Variants in RAPGEF2 observed in about 807,000 individuals in gnomAD.
RAPGEF2 encodes PDZ domain containing guanine nucleotide exchange factor (GEF) 1.
RAPGEF2 carries 54 observed loss-of-function variants against 186.7 expected under a neutral mutation model. The ratio of observed to expected loss-of-function variants is 0.29; its 90% CI spans 0.23 to 0.36. The LOEUF is 0.36. Among genes scored for constraint, RAPGEF2 ranks in the 10% least tolerant of loss-of-function variants. The probability of loss-of-function intolerance (pLI) is 1.00; values close to 1 mark genes in which losing one functional copy is unlikely to be tolerated. For missense variants in RAPGEF2, 1,532 were observed against 2,045.0 expected, an observed-to-expected ratio of 0.75 and a Z score of 4.84; for synonymous variants, 712 against 705.9, an observed-to-expected ratio of 1.01 and a Z score of -0.14.
chr4:159,267,804 T>C lies in RAPGEF2; in HGVS notation c.543+24013T>C, dbSNP rs866342790. 2.3e-5 allele frequency: 23 copies of C among 1,016,726 alleles called. No homozygotes were observed. In the Middle Eastern group the frequency reaches 1.5e-3, roughly 64 times the overall value. 63.0% of individuals were successfully genotyped at this position (1,016,726 alleles called of 1,614,324 possible). On this transcript the variant is annotated intron_variant, in intron 7 of 29. Transcript: ENST00000691494. Reference sequence around the variant, plus strand: ...TTTAGCTTTTTTCTTTTTTTTTTTTTTTTCCTCTCCTTTTCTTTTGCCTCT... The same window carrying C: ...TTTAGCTTTTTTCTTTTTTTTTTTTCTTTCCTCTCCTTTTCTTTTGCCTCT...
At chr4:159,273,166 A>G (rs1758331375) in intron 7 of RAPGEF2, among the ~76,000 whole-genome samples, 1 of 152,200 alleles carries the variant, frequency 6.6e-6, no homozygotes, top group African/African-American at 2.4e-5. Flanking sequence ...CTGAGATGAA[A>G]TAAACTTATC....
At chr4:159,185,505 C>A (rs1388667454) in intron 1 of RAPGEF2, among the ~76,000 whole-genome samples, 1 of 152,160 alleles carries the variant, frequency 6.6e-6, no homozygotes, top group East Asian at 1.9e-4. Flanking sequence ...AGTACTGATA[C>A]ATGCTAAAAC....
intron 7 of RAPGEF2, among the ~76,000 whole-genome samples, chr4:159,254,531 A>G (rs1226826469): frequency 6.6e-6 from 1 of 151,658 alleles, no homozygotes; most frequent in Admixed American, 6.6e-5. Context: ...AGGGAAGGAG[A>G]TATTCAGGAA....
chr4:159,117,867 C>T (rs993347550), intron 1 of RAPGEF2, among the ~76,000 whole-genome samples: 16 of 152,030 alleles, frequency 1.1e-4, no homozygotes, highest in African/African-American at 3.9e-4. Flanking sequence ...ACTTGCTATC[C>T]ACAAGCCTCA....
chr4:159,339,413 C>CT, intron 19 of RAPGEF2, 59 bp downstream of exon 19: 1 of 1,545,508 alleles, frequency 6.5e-7, no homozygotes. Context: ...ACATCAAAGT[C>CT]TAAGAGATGA....
intron 6 of RAPGEF2, among the ~76,000 whole-genome samples, chr4:159,241,713 A>G (rs975115063): frequency 2.0e-5 from 3 of 151,918 alleles, no homozygotes; most frequent in Non-Finnish European, 2.9e-5. Flanking sequence ...TGATAAGCAC[A>G]TGTAATTGTA....
rs971503459 is a variant in RAPGEF2 at position 159,206,138 on chromosome 4, G to A, written c.198-4362G>A. Among the ~76,000 whole-genome samples the A allele has an allele frequency of 3.9e-5, 6 of 152,290 alleles. No individual in the cohort carries two copies. In the East Asian group the frequency reaches 9.6e-4, roughly 24 times the overall value. ...GTAAAGACGGGGTTTCACCGTGTTA[G>A]CCAGGATGGTCTCGATCTCCTGACC... On this transcript the variant is annotated intron_variant, in intron 3 of 29. Transcript: ENST00000691494.
intron 1 of RAPGEF2, among the ~76,000 whole-genome samples, chr4:159,157,079 C>T (rs1744209420): frequency 6.6e-6 from 1 of 152,130 alleles, no homozygotes; most frequent in South Asian, 2.1e-4. Context: ...TGGCCTTTCA[C>T]TTTATTTGGC....
At chr4:159,349,020 C>A (rs1249106543) in intron 25 of RAPGEF2, among the ~76,000 whole-genome samples, 1 of 152,158 alleles carries the variant, frequency 6.6e-6, no homozygotes, top group Non-Finnish European at 1.5e-5. Flanking sequence ...CTTTCTCAGG[C>A]ATAATATCTT....
intron 4 of RAPGEF2, among the ~76,000 whole-genome samples, chr4:159,223,827 T>C (rs189274509): frequency 1.3e-5 from 2 of 152,312 alleles, no homozygotes; most frequent in Admixed American, 1.3e-4. Context: ...ACTTACATAA[T>C]TTTGGGAACA....
chr4:159,182,399 T>A lies in RAPGEF2; in HGVS notation c.70-4243T>A, dbSNP rs921137387. On this transcript the variant is annotated intron_variant, in intron 1 of 29. Coordinates refer to ENST00000691494, the MANE Select transcript of RAPGEF2 (RefSeq NM_001394067.2). ...TTTTCTTTTCTTCTTTTTTTTTTTT[T>A]TTTTTTTTTTTTTTGATACAGAGTC... Among the ~76,000 whole-genome samples the A allele has an allele frequency of 4.0e-3, 565 of 141,288 alleles. 4 individuals carry two copies. Among genetic ancestry groups the A allele is most frequent in the African/African-American group, 0.014 (533 of 37,936 alleles). The allele number at this position is 141,288 out of a possible 152,430, so 92.7% of individuals were successfully genotyped here. A position where few individuals can be genotyped will look rare whatever the true frequency, so the allele number is the denominator to read the frequency against.
intron 7 of RAPGEF2, among the ~76,000 whole-genome samples, chr4:159,286,298 C>T (rs1029571660): frequency 6.6e-6 from 1 of 152,092 alleles, no homozygotes; most frequent in African/African-American, 2.4e-5. Flanking sequence ...GTTCTTCTCT[C>T]CATCTCCATT....
At chr4:159,269,840 C>G (rs1047482877) in intron 7 of RAPGEF2, among the ~76,000 whole-genome samples, 3 of 152,042 alleles carry the variant, frequency 2.0e-5, no homozygotes, top group African/African-American at 7.2e-5. Context: ...AAATCCATCT[C>G]TATTTAAAAA....
At chr4:159,184,898 C>T (rs899098283) in intron 1 of RAPGEF2, among the ~76,000 whole-genome samples, 1 of 152,102 alleles carries the variant, frequency 6.6e-6, no homozygotes, top group Non-Finnish European at 1.5e-5. Flanking sequence ...AGTCTTTAAT[C>T]CATCTTGAAT....
intron 3 of RAPGEF2, among the ~76,000 whole-genome samples, chr4:159,197,419 A>G (rs1323989887): frequency 8.6e-6 from 1 of 116,544 alleles, no homozygotes; most frequent in Non-Finnish European, 1.7e-5. Flanking sequence ...GCAAAAGTTT[A>G]AGTGTCCACA....
intron 1 of RAPGEF2, among the ~76,000 whole-genome samples, chr4:159,131,631 A>G (rs571028146): frequency 6.8e-6 from 1 of 147,874 alleles, no homozygotes; most frequent in African/African-American, 2.5e-5. Flanking sequence ...TGCTAAGTGC[A>G]GTTAAAGTTC....
chr4:159,198,263 TTTCTTTCC>T (rs1369666382), intron 3 of RAPGEF2, among the ~76,000 whole-genome samples: 4 of 83,822 alleles, frequency 4.8e-5, no homozygotes, highest in African/African-American at 1.6e-4. Context: ...TTTCTTTCTC[TTTCTTTCC>T]TTCTTTCTTT....
chr4:159,123,136 A>C (rs1369896219), intron 1 of RAPGEF2, among the ~76,000 whole-genome samples: 2 of 152,220 alleles, frequency 1.3e-5, no homozygotes, highest in African/African-American at 4.8e-5. Context: ...GCTTCTGGTC[A>C]ACAGTAGGCT....
intron 8 of RAPGEF2, among the ~76,000 whole-genome samples, chr4:159,311,504 C>G (rs896729634): frequency 6.6e-6 from 1 of 152,146 alleles, no homozygotes; most frequent in Non-Finnish European, 1.5e-5. Context: ...TAGCTTGAGA[C>G]TGGCTTGCTT....
Sources: gnomAD v4.1 joint callset for allele counts (sites outside exome capture counted in the v4.1 genomes callset) on GRCh38, gnomAD v4.1.1 for gene constraint, MANE v1.5 for transcripts, NCBI Gene and HGNC (gene_info 2026-07-23, HGNC 2026-07-21) for gene names.